SH2D4A: variants seen among roughly 807,000 people sequenced by gnomAD.
The protein encoded by SH2D4A is SH2 domain-containing protein 4A.
In SH2D4A, 70 loss-of-function variants were observed where a neutral mutation model predicts 64.7. The ratio of observed to expected loss-of-function variants is 1.08; its 90% CI spans 0.89 to 1.32. The LOEUF (loss-of-function observed/expected upper bound fraction) is 1.32, where lower values mean the gene tolerates loss of function less well. Among genes scored for constraint, SH2D4A ranks in the 40% most tolerant of loss-of-function variants. The pLI is 0.00. For synonymous variants in SH2D4A, 268 were observed against 200.7 expected, an observed-to-expected ratio of 1.34 and a Z score of -2.83; for missense variants, 706 against 540.1, an observed-to-expected ratio of 1.31 and a Z score of -3.04.
rs761042564 is a variant in SH2D4A, at chr8:19,393,494, G to A, written c.1225G>A (p.Asp409Asn). ...AGACGCCTACAGCTTCCTGGGCGTG[G>A]ACCAGCTACAGCATGCCACCTTGGC... ...SADAYSFLGV[D>N]QLQHATLADL... Residue 409 changes from aspartate (D) to asparagine (N), a missense_variant, in exon 9 of 10, where the codon GAC (aspartate) becomes AAC (asparagine). Transcript: ENST00000265807. The A allele has an allele frequency of 2.7e-5, 44 of 1,614,098 alleles. No homozygotes were observed. The highest frequency in any genetic ancestry group is 3.4e-5 in the Non-Finnish European group (40 of 1,180,048).
chr8:19,359,696 G>A (rs902813027), intron 5 of SH2D4A, among the ~76,000 whole-genome samples: 17 of 144,134 alleles, frequency 1.2e-4, no homozygotes, highest in African/African-American at 4.2e-4. Flanking sequence ...ACAGTGTAAG[G>A]AAAAAAAAAT....
chr8:19,365,103 T>A (rs548417210), intron 7 of SH2D4A, among the ~76,000 whole-genome samples: 1 of 152,330 alleles, frequency 6.6e-6, no homozygotes, highest in East Asian at 1.9e-4. Context: ...CTAAAAATAA[T>A]TTGAAATACT....
intron 9 of SH2D4A, 121 bp downstream of exon 9, chr8:19,393,662 G>T: frequency 1.1e-6 from 1 of 891,384 alleles, no homozygotes; most frequent in Non-Finnish European, 1.7e-6. Context: ...CAGGGGTGGG[G>T]GCTTGTCTTT....
chr8:19,332,564 G>A (rs2052378517), intron 2 of SH2D4A, among the ~76,000 whole-genome samples: 1 of 151,328 alleles, frequency 6.6e-6, no homozygotes, highest in Non-Finnish European at 1.5e-5. Context: ...TGGGCATGGT[G>A]GCAGGTGCCT....
At chr8:19,317,360 A>G (rs2052107424) in intron 1 of SH2D4A, among the ~76,000 whole-genome samples, 1 of 149,728 alleles carries the variant, frequency 6.7e-6, no homozygotes, top group African/African-American at 2.5e-5. Context: ...TCTCAATGCA[A>G]AATACAAAGT....
At chr8:19,374,072 T>C (rs2053155565) in intron 8 of SH2D4A, among the ~76,000 whole-genome samples, 1 of 152,186 alleles carries the variant, frequency 6.6e-6, no homozygotes, top group East Asian at 1.9e-4. Flanking sequence ...AACAAATCAT[T>C]ACTTTTTCCG....
chr8:19,352,321 A>G (rs1463509434), intron 4 of SH2D4A, among the ~76,000 whole-genome samples: 3 of 152,254 alleles, frequency 2.0e-5, no homozygotes, highest in East Asian at 3.9e-4. Context: ...TTTTCATACT[A>G]TCTTTTGGCC....
At chr8:19,329,353 C>T (rs567502288) in intron 2 of SH2D4A, among the ~76,000 whole-genome samples, 2 of 152,136 alleles carry the variant, frequency 1.3e-5, no homozygotes, top group Admixed American at 6.5e-5. Flanking sequence ...TTAAGCATTC[C>T]CATAGCATCC....
intron 8 of SH2D4A, among the ~76,000 whole-genome samples, chr8:19,387,767 C>A (rs535805043): frequency 1.3e-5 from 2 of 152,240 alleles, no homozygotes; most frequent in African/African-American, 4.8e-5. Flanking sequence ...TCCTTCTGTC[C>A]CTGATCTGTA....
intron 8 of SH2D4A, among the ~76,000 whole-genome samples, chr8:19,379,094 T>A (rs1005596181): frequency 8.3e-5 from 11 of 132,502 alleles, no homozygotes; most frequent in East Asian, 4.2e-4. Flanking sequence ...AAAAAAAAAA[T>A]TTCTACAGCT....
Position 19,319,381 on chromosome 8 carries a change from C to T in SH2D4A, c.-167C>T. 2 of 1,270,828 alleles carry T rather than the reference C, an allele frequency of 1.6e-6. No homozygotes were observed. Among genetic ancestry groups the T allele is most frequent in the Non-Finnish European group, 2.0e-6 (2 of 1,007,116 alleles). The allele number at this position is 1,270,828 out of a possible 1,614,324, so 78.7% of individuals were successfully genotyped here. On this transcript the variant is annotated 5_prime_UTR_variant, in exon 2 of 10. Coordinates refer to ENST00000265807, the MANE Select transcript of SH2D4A (RefSeq NM_022071.4). ...GCATTTTGGACAGGACATTTGGTGC[C>T]AGGTCTGAGTAGCCAGTTTGCTGAA...
intron 8 of SH2D4A, among the ~76,000 whole-genome samples, chr8:19,376,804 G>A (rs2053203473): frequency 6.6e-6 from 1 of 152,052 alleles, no homozygotes; most frequent in Non-Finnish European, 1.5e-5. Context: ...ACAACATTCA[G>A]ATGAGCAGTT....
intron 4 of SH2D4A, among the ~76,000 whole-genome samples, chr8:19,353,004 G>C (rs1402666456): frequency 6.6e-6 from 1 of 152,064 alleles, no homozygotes; most frequent in Non-Finnish European, 1.5e-5. Context: ...GCGAGACTCT[G>C]TCTCAAGAAC....
intron 1 of SH2D4A, 150 bp from the exon 2 acceptor site, chr8:19,319,194 C>T (rs2052142295): frequency 1.7e-5 from 6 of 349,044 alleles, no homozygotes; most frequent in Admixed American, 6.3e-5. Context: ...AAACTCTTAA[C>T]AAAGTGTGCC....
intron 8 of SH2D4A, among the ~76,000 whole-genome samples, chr8:19,387,034 G>T (rs1282976268): frequency 7.5e-6 from 1 of 133,558 alleles, no homozygotes; most frequent in African/African-American, 2.9e-5. Flanking sequence ...AGTTTTTGTT[G>T]TTCTTTGTAG....
chr8:19,379,137 C>G (rs975055661), intron 8 of SH2D4A, among the ~76,000 whole-genome samples: 4 of 151,870 alleles, frequency 2.6e-5, no homozygotes, highest in African/African-American at 9.7e-5. Flanking sequence ...AGTTATTTCA[C>G]CTTGTAAAAC....
chr8:19,352,917 G>A (rs1317032863), intron 4 of SH2D4A, among the ~76,000 whole-genome samples: 2 of 152,122 alleles, frequency 1.3e-5, no homozygotes, highest in Non-Finnish European at 2.9e-5. Flanking sequence ...GACTGAGGTG[G>A]GAGGATCACT....
intron 1 of SH2D4A, 30 bp downstream of exon 1, chr8:19,313,853 G>C: frequency 6.9e-7 from 1 of 1,458,664 alleles, no homozygotes; most frequent in Non-Finnish European, 9.0e-7. Flanking sequence ...CGAGGCTTTG[G>C]GGAGAGTGTG....
chr8:19,365,541 C>A (rs1225247699), intron 7 of SH2D4A, among the ~76,000 whole-genome samples: 2 of 152,214 alleles, frequency 1.3e-5, no homozygotes, highest in Non-Finnish European at 2.9e-5. Flanking sequence ...CTCCTGTTCA[C>A]CGTCTCTTCC....
Sources: allele counts gnomAD v4.1 joint callset (sites outside exome capture counted in the v4.1 genomes callset), GRCh38; gene constraint gnomAD v4.1.1; transcripts MANE v1.5; gene names NCBI Gene and HGNC (gene_info 2026-07-23, HGNC 2026-07-21).